Variants in ABRAXAS1 observed in about 807,000 individuals in gnomAD.
ABRAXAS1 encodes abraxas 1, BRCA1 A complex subunit, also known as BRCA1-A complex subunit Abraxas 1.
ABRAXAS1 carries 26 observed loss-of-function variants against 38.4 expected under a neutral mutation model. The ratio of observed to expected loss-of-function variants is 0.68; its 90% CI spans 0.50 to 0.94. ABRAXAS1 has a LOEUF of 0.94. ABRAXAS1 is among the 40% of genes least tolerant of loss of function. ABRAXAS1 has a pLI of 0.00. For synonymous variants in ABRAXAS1, 144 were observed against 165.5 expected (o/e 0.87, Z 1.00); for missense variants, 438 against 481.9 (o/e 0.91, Z 0.85).
chr4:83,469,176 T>G (rs1209077663), intron 5 of ABRAXAS1, 25 bp from the exon 6 acceptor site: 1 of 1,603,906 alleles, frequency 6.2e-7, no homozygotes. Context: ...CTTTAGAGTA[T>G]AAACTTAGAA....
At chr4:83,470,056 T>G (rs749084029) in intron 5 of ABRAXAS1, 147 bp downstream of exon 5, 7 of 541,570 alleles carry the variant, frequency 1.3e-5, no homozygotes, top group Non-Finnish European at 2.2e-5. Context: ...ACCTATAAAT[T>G]AACAGATGGT....
chr4:83,473,034 T>C (rs897471111), intron 3 of ABRAXAS1, among the ~76,000 whole-genome samples: 1 of 152,132 alleles, frequency 6.6e-6, no homozygotes, highest in African/African-American at 2.4e-5. Context: ...ATCCCAGCAT[T>C]TTGGGAGGCT....
chr4:83,472,285 A>C lies in ABRAXAS1; in HGVS notation c.219T>G (p.Phe73Leu), dbSNP rs1722613503. Reference protein sequence around the residue: ...KYIPCYQLFSFYNSSGEVNEQ... With the variant: ...KYIPCYQLFSLYNSSGEVNEQ... ...CATTTACTTCGCCTGAAGAATTATAAAAGCTGTAAAAGCCAAAATTAAAGG... is the reference window on the plus strand; with the variant it reads ...CATTTACTTCGCCTGAAGAATTATACAAGCTGTAAAAGCCAAAATTAAAGG... The change falls in exon 4 of 9, where the codon TTT (phenylalanine) becomes TTG (leucine). Residue 73 changes from phenylalanine to leucine, a missense_variant. This residue lies in a region of ABRAXAS1 where 194 missense variants were observed against 269.0 expected (regional missense o/e 0.72). Coordinates refer to ENST00000321945, the MANE Select transcript of ABRAXAS1 (RefSeq NM_139076.3). 1 of 1,498,558 alleles carries C rather than the reference A, an allele frequency of 6.7e-7. No homozygotes were observed. Among genetic ancestry groups the C allele is most frequent in the Non-Finnish European group, 8.9e-7 (1 of 1,119,382 alleles). 92.8% of individuals were successfully genotyped at this position (1,498,558 alleles called of 1,614,324 possible).
At chr4:83,484,928 G>C (rs1465601479) in intron 1 of ABRAXAS1, 58 bp downstream of exon 1, 1 of 1,440,252 alleles carries the variant, frequency 6.9e-7, no homozygotes, top group Non-Finnish European at 9.4e-7. Context: ...CGGGGAGGCA[G>C]GCCGCGCGCA....
chr4:83,463,549 T>C lies in ABRAXAS1; in HGVS notation c.741A>G (p.Val247=). ...TCTCAATTTCTCGTTTTAATCTGTTTACATCCTTTACTAGTTTATCTACTG... is the reference window on the plus strand; with the variant it reads ...TCTCAATTTCTCGTTTTAATCTGTTCACATCCTTTACTAGTTTATCTACTG... ...EQAVDKLVKD[V]NRLKREIEKR... Residue 247 remains valine, a synonymous_variant, in exon 8 of 9, where the codon GTA becomes GTG. Coordinates refer to ENST00000321945, the MANE Select transcript of ABRAXAS1 (RefSeq NM_139076.3). 6.2e-7 allele frequency: 1 copy of C among 1,612,282 alleles called. No homozygotes were observed. Among genetic ancestry groups the C allele is most frequent in the Non-Finnish European group, 8.5e-7 (1 of 1,179,404 alleles).
chr4:83,484,874 A>T, intron 1 of ABRAXAS1, 112 bp downstream of exon 1: 1 of 838,504 alleles, frequency 1.2e-6, no homozygotes, highest in Non-Finnish European at 1.8e-6. Context: ...CGCAGGGAGG[A>T]GGCGCGGCGG....
intron 1 of ABRAXAS1, chr4:83,484,113 C>T (rs1475284688): frequency 1.1e-6 from 1 of 949,428 alleles, no homozygotes; most frequent in Non-Finnish European, 1.3e-6. Flanking sequence ...GGTGATTCAC[C>T]CGCCTCGGCT....
rs569414094 is a variant in ABRAXAS1 at position 83,482,206 on chromosome 4, C to T, written c.126G>A (p.Lys42=). The T allele has an allele frequency of 6.2e-7, 1 of 1,612,488 alleles. No individual in the cohort carries two copies. Residue 42 remains lysine (K), a synonymous_variant, in exon 2 of 9, where the codon AAG becomes AAA. Transcript: ENST00000321945. Reference sequence around the variant, plus strand: ...CCATTTGGGAATCAGTAATGCTGTTCTTGGCTTCACCTTTTACTTCCCCAA... The same window carrying T: ...CCATTTGGGAATCAGTAATGCTGTTTTTGGCTTCACCTTTTACTTCCCCAA... ...FLLGEVKGEA[K]NSITDSQMDD...
chr4:83,468,902 A>G (rs1201737162), intron 6 of ABRAXAS1, 130 bp downstream of exon 6: 1 of 1,068,254 alleles, frequency 9.4e-7, no homozygotes, highest in Admixed American at 2.2e-5. Context: ...TGAGGAAGGT[A>G]AAAACAGCCT....
At position 83,463,616 on chromosome 4, in the gene ABRAXAS1, ATAAAG is replaced by A. The variant is rs724159832; in HGVS notation, c.682-13_682-9del. 1.1e-4 allele frequency: 168 copies of A among 1,534,248 alleles called. 1 individual carries two copies. The highest frequency in any genetic ancestry group is 1.3e-4 in the Non-Finnish European group (149 of 1,115,120). On this transcript the variant is annotated splice_polypyrimidine_tract_variant and intron_variant, in intron 7 of 8. Coordinates refer to ENST00000321945, the MANE Select transcript of ABRAXAS1 (RefSeq NM_139076.3). ...CACTTTTTTGCATATACTCTGCAAA[ATAAAG>A]TAATTTAAGGGCATAGGTAATATTT...
At chr4:83,467,014 T>C (rs75909938) in intron 7 of ABRAXAS1, 15,726 of 155,542 alleles carry the variant, frequency 0.1, 928 homozygotes, top group African/African-American at 0.15. Context: ...TTGCAATCTT[T>C]GTTAACTACA....
Position 83,470,195 on chromosome 4 carries a change from A to G in ABRAXAS1, c.476+8T>C. The G allele has an allele frequency of 1.2e-6, 2 of 1,600,668 alleles. No individual in the cohort carries two copies. The highest frequency in any genetic ancestry group is 1.7e-5 in the Admixed American group (1 of 58,106). On this transcript the variant is annotated splice_region_variant and intron_variant, in intron 5 of 8. Coordinates refer to ENST00000321945, the MANE Select transcript of ABRAXAS1 (RefSeq NM_139076.3). ...GTTTAATACAGCCAGTGACTGGCCA[A>G]CATTTACCCTTTTTGAGGTTTATAT... is the stretch of plus-strand genomic sequence containing the variant.
chr4:83,466,750 G>C (rs1236368037), intron 7 of ABRAXAS1: 1 of 152,182 alleles, frequency 6.6e-6, no homozygotes, highest in Non-Finnish European at 1.5e-5. Flanking sequence ...TGTTAGCCAG[G>C]ATGGTCTCGA....
chr4:83,469,196 A>C, intron 5 of ABRAXAS1, 45 bp from the exon 6 acceptor site: 1 of 1,548,644 alleles, frequency 6.5e-7, no homozygotes, highest in Non-Finnish European at 8.9e-7. Context: ...ATGAAAAGAA[A>C]GATTAGTATC....
chr4:83,483,656 G>A (rs974314085), intron 1 of ABRAXAS1, among the ~76,000 whole-genome samples: 1 of 152,102 alleles, frequency 6.6e-6, no homozygotes, highest in Non-Finnish European at 1.5e-5. Flanking sequence ...GAATCACGCG[G>A]GGGGATATCC....
chr4:83,462,323 A>AT lies in ABRAXAS1; in HGVS notation c.*145_*146insA. 1.5e-6 allele frequency: 1 copy of AT among 678,874 alleles called. No homozygotes were observed. Among genetic ancestry groups the AT allele is most frequent in the South Asian group, 2.0e-5 (1 of 50,870 alleles). The allele number at this position is 678,874 out of a possible 1,614,324, so 42.1% of individuals were successfully genotyped here. Reference sequence around the variant, plus strand: ...AGTACTTTGTGAAGTAAATGCACTAAGAGTTATCTGTGTATTACTGCAAAC... The same window carrying AT: ...AGTACTTTGTGAAGTAAATGCACTAATGAGTTATCTGTGTATTACTGCAAAC... On this transcript the variant is annotated 3_prime_UTR_variant, in exon 9 of 9. Coordinates refer to ENST00000321945, the MANE Select transcript of ABRAXAS1 (RefSeq NM_139076.3).
chr4:83,470,126 G>C lies in ABRAXAS1; in HGVS notation c.476+77C>G, dbSNP rs1722524600. The C allele has an allele frequency of 6.2e-6, 7 of 1,131,216 alleles. No homozygotes were observed. In the South Asian group the frequency reaches 7.0e-5, roughly 11 times the overall value. The allele number at this position is 1,131,216 out of a possible 1,614,324, so 70.1% of individuals were successfully genotyped here. The stretch of plus-strand genomic sequence containing the variant: ...ATGCGACAATATATGAGAACACTTT[G>C]TAAGCTGCAAAAAGTACTAAGTATT... On this transcript the variant is annotated intron_variant, in intron 5 of 8. Coordinates refer to ENST00000321945, the MANE Select transcript of ABRAXAS1 (RefSeq NM_139076.3).
chr4:83,484,321 G>C (rs1723100475), intron 1 of ABRAXAS1, among the ~76,000 whole-genome samples: 1 of 152,236 alleles, frequency 6.6e-6, no homozygotes, highest in African/African-American at 2.4e-5. Flanking sequence ...GCAAGTTACT[G>C]AAAGTGCTAC....
At chr4:83,476,110 G>A (rs1722759930) in intron 3 of ABRAXAS1, among the ~76,000 whole-genome samples, 1 of 152,120 alleles carries the variant, frequency 6.6e-6, no homozygotes, top group Non-Finnish European at 1.5e-5. Flanking sequence ...CTGAGGTGGA[G>A]AGGGTCACCT....
Sources: allele counts gnomAD v4.1 joint callset (sites outside exome capture counted in the v4.1 genomes callset), GRCh38; gene constraint gnomAD v4.1.1; regional missense constraint gnomAD v4.1.1; transcripts MANE v1.5; gene names NCBI Gene and HGNC (gene_info 2026-07-23, HGNC 2026-07-21).